SLC4A10: variants seen among roughly 807,000 people sequenced by gnomAD.
SLC4A10 encodes the protein sodium-driven chloride bicarbonate exchanger.
Under a neutral mutation model 137.7 loss-of-function variants are expected in SLC4A10, and 42 were observed. The observed-to-expected ratio is 0.30, with a 90% CI of 0.24 to 0.39. The LOEUF is 0.39. Ranked by LOEUF, SLC4A10 falls within the 10% of genes least tolerant of loss-of-function variation. SLC4A10 has a pLI of 1.00. For synonymous variants in SLC4A10, 474 were observed against 464.1 expected (o/e 1.02, Z -0.27); for missense variants, 925 against 1,355.0 (o/e 0.68, Z 4.98).
At chr2:161,879,366 T>C in intron 9 of SLC4A10, 78 bp downstream of exon 9, 1 of 1,412,734 alleles carries the variant, frequency 7.1e-7, no homozygotes, top group Non-Finnish European at 9.5e-7. Context: ...TCAATGTAAT[T>C]TTCTGTTAGA....
intron 1 of SLC4A10, among the ~76,000 whole-genome samples, chr2:161,698,995 T>C (rs1286728134): frequency 1.3e-5 from 2 of 152,124 alleles, no homozygotes; most frequent in Non-Finnish European, 2.9e-5. Context: ...AGCCTGTTAT[T>C]GGTCCATTCA....
chr2:161,711,843 A>G (rs1417830441), intron 1 of SLC4A10, among the ~76,000 whole-genome samples: 1 of 151,808 alleles, frequency 6.6e-6, no homozygotes, highest in African/African-American at 2.4e-5. Context: ...ATATAGGGAT[A>G]ATAATGGCAC....
chr2:161,887,572 T>C (rs1344166229), intron 10 of SLC4A10, among the ~76,000 whole-genome samples: 1 of 152,140 alleles, frequency 6.6e-6, no homozygotes, highest in Non-Finnish European at 1.5e-5. Context: ...GATGATGAGC[T>C]TTTTTTCATG....
chr2:161,701,181 C>T (rs1489320368), intron 1 of SLC4A10, among the ~76,000 whole-genome samples: 1 of 151,928 alleles, frequency 6.6e-6, no homozygotes, highest in African/African-American at 2.4e-5. Flanking sequence ...GCCTCCATAG[C>T]CTGTTTTTCT....
chr2:161,927,329 C>A (rs988335136), intron 15 of SLC4A10, among the ~76,000 whole-genome samples: 1 of 152,166 alleles, frequency 6.6e-6, no homozygotes, highest in African/African-American at 2.4e-5. Context: ...TCACTGATAA[C>A]CTTTCTTCCA....
intron 4 of SLC4A10, among the ~76,000 whole-genome samples, chr2:161,853,509 G>T (rs889270744): frequency 2.2e-4 from 33 of 152,290 alleles, no homozygotes; most frequent in Middle Eastern, 3.4e-3. Flanking sequence ...TTAAAAGGGA[G>T]CCAGGTAGTG....
chr2:161,890,970 G>C (rs1180350198), intron 10 of SLC4A10, among the ~76,000 whole-genome samples: 4 of 152,250 alleles, frequency 2.6e-5, no homozygotes, highest in Admixed American at 2.6e-4. Flanking sequence ...TCCTTCAGGA[G>C]CTCTTGTAAG....
At chr2:161,763,255 G>A (rs897704564) in intron 1 of SLC4A10, among the ~76,000 whole-genome samples, 2 of 151,960 alleles carry the variant, frequency 1.3e-5, no homozygotes, top group Admixed American at 1.3e-4. Flanking sequence ...AGTCGTGTAC[G>A]TAGGTTGCCA....
chr2:161,846,073 TA>T (rs1287143191), intron 4 of SLC4A10, among the ~76,000 whole-genome samples: 1 of 152,100 alleles, frequency 6.6e-6, no homozygotes, highest in Non-Finnish European at 1.5e-5. Context: ...GTAAACCAGA[TA>T]TTCAACAAAA....
rs1683260805 is a variant in SLC4A10, at chr2:161,902,161, C to CTCCCAGT, written c.1442+1152_1442+1153insCCAGTTC. 3 of 446,338 alleles carry CTCCCAGT rather than the reference C, an allele frequency of 6.7e-6. No individual in the cohort carries two copies. In the East Asian group the frequency reaches 2.1e-4, roughly 31 times the overall value. 27.6% of individuals were successfully genotyped at this position (446,338 alleles called of 1,614,324 possible). On this transcript the variant is annotated intron_variant, in intron 12 of 26. Coordinates refer to ENST00000446997, the MANE Select transcript of SLC4A10 (RefSeq NM_001178015.2). ...ACATCTGGGCTGCTCTTGCACTGTT[C>CTCCCAGT]TCTGTAATGAACTCCCACTTCCGGA...
At chr2:161,816,517 T>C (rs187795379) in intron 3 of SLC4A10, among the ~76,000 whole-genome samples, 1 of 152,212 alleles carries the variant, frequency 6.6e-6, no homozygotes, top group Non-Finnish European at 1.5e-5. Flanking sequence ...TTAGGGTACA[T>C]GTGGACAACG....
chr2:161,640,038 ATT>A (rs1025368992), intron 1 of SLC4A10, among the ~76,000 whole-genome samples: 3 of 152,138 alleles, frequency 2.0e-5, no homozygotes, highest in Non-Finnish European at 4.4e-5. Flanking sequence ...CATGGTGACT[ATT>A]TCTCTTATTC....
At chr2:161,799,314 A>G (rs1211540105) in intron 2 of SLC4A10, among the ~76,000 whole-genome samples, 1 of 151,966 alleles carries the variant, frequency 6.6e-6, no homozygotes, top group Non-Finnish European at 1.5e-5. Flanking sequence ...GAACAATGAC[A>G]TCTATCATTA....
Position 161,863,115 on chromosome 2 carries a change from C to T in SLC4A10, c.766+53C>T, listed in dbSNP as rs2060527923. 1.1e-5 allele frequency: 16 copies of T among 1,432,970 alleles called. No homozygotes were observed. The East Asian group carries it at 1.9e-4, about 17-fold the overall frequency. The allele number at this position is 1,432,970 out of a possible 1,614,324, so 88.8% of individuals were successfully genotyped here. On this transcript the variant is annotated intron_variant, in intron 6 of 26. Coordinates refer to ENST00000446997, the MANE Select transcript of SLC4A10 (RefSeq NM_001178015.2). ...TGTCTACTATAGGTCTCTGACATAT[C>T]AAAGCGCTTCTAAATCTTTTAAAAC...
chr2:161,681,953 C>T (rs1432863536), intron 1 of SLC4A10, among the ~76,000 whole-genome samples: 1 of 152,120 alleles, frequency 6.6e-6, no homozygotes, highest in South Asian at 2.1e-4. Flanking sequence ...TTTTAAAGTA[C>T]AGTATACATT....
At chr2:161,863,924 G>A (rs889884086) in intron 6 of SLC4A10, among the ~76,000 whole-genome samples, 7 of 152,126 alleles carry the variant, frequency 4.6e-5, no homozygotes, top group Admixed American at 2.0e-4. Context: ...GTTCTAGGCC[G>A]GGCGCAGTGG....
At chr2:161,720,791 T>C (rs11543499) in intron 1 of SLC4A10, among the ~76,000 whole-genome samples, 141,398 of 151,760 alleles carry the variant, frequency 0.93, 65,949 homozygotes, top group East Asian at 1. Flanking sequence ...TGAGATGGAT[T>C]TCTTGAATAC....
intron 26 of SLC4A10, 125 bp downstream of exon 26, chr2:161,977,885 G>T: frequency 1.4e-6 from 1 of 733,412 alleles, no homozygotes. Flanking sequence ...CATGGAGAGT[G>T]TTGGGCTCAG....
chr2:161,947,797 A>T, intron 17 of SLC4A10, 70 bp downstream of exon 17: 6 of 1,515,942 alleles, frequency 4.0e-6, no homozygotes, highest in Non-Finnish European at 5.3e-6. Flanking sequence ...TGATGTAATA[A>T]AAGGAGCCAC....
Sources: gnomAD v4.1 joint callset for allele counts (sites outside exome capture counted in the v4.1 genomes callset) on GRCh38, gnomAD v4.1.1 for gene constraint, MANE v1.5 for transcripts, NCBI Gene and HGNC (gene_info 2026-07-23, HGNC 2026-07-21) for gene names.